ROBO2: variants seen among roughly 807,000 people sequenced by gnomAD.
ROBO2 encodes the protein roundabout homolog 2.
In ROBO2, 53 loss-of-function variants were observed where a neutral mutation model predicts 160.8. The observed-to-expected ratio is 0.33, with a 90% CI of 0.26 to 0.41. The LOEUF (loss-of-function observed/expected upper bound fraction) is 0.41, where lower values mean the gene tolerates loss of function less well. ROBO2 is among the 10% of genes least tolerant of loss of function. ROBO2 has a pLI of 1.00. For missense variants in ROBO2, 1,577 were observed against 1,722.4 expected (o/e 0.92, Z 1.49); for synonymous variants, 664 against 611.7 (o/e 1.09, Z -1.26).
intron 2 of ROBO2, among the ~76,000 whole-genome samples, chr3:77,267,886 A>G (rs1018532958): frequency 2.0e-5 from 3 of 152,154 alleles, no homozygotes; most frequent in African/African-American, 4.8e-5. Flanking sequence ...AACTCCCCCA[A>G]TAAATCTCCA....
At chr3:76,814,922 T>A (rs999366080) in intron 2 of ROBO2, among the ~76,000 whole-genome samples, 1 of 152,048 alleles carries the variant, frequency 6.6e-6, no homozygotes, top group African/African-American at 2.4e-5. Context: ...TTGCAAAGGA[T>A]CTACTAGTAC....
At chr3:75,925,835 A>G (rs1947271913) in intron 1 of ROBO2, among the ~76,000 whole-genome samples, 1 of 152,192 alleles carries the variant, frequency 6.6e-6, no homozygotes, top group African/African-American at 2.4e-5. Flanking sequence ...GAGTTGAAAA[A>G]TTGGAGATAG....
At chr3:77,299,309 G>A (rs1266146492) in intron 2 of ROBO2, among the ~76,000 whole-genome samples, 1 of 152,154 alleles carries the variant, frequency 6.6e-6, no homozygotes, top group Admixed American at 6.6e-5. Flanking sequence ...ACTTAAGAGA[G>A]AGCGAAGACT....
intron 2 of ROBO2, among the ~76,000 whole-genome samples, chr3:76,028,819 A>G (rs1313414196): frequency 6.6e-6 from 1 of 151,988 alleles, no homozygotes; most frequent in Non-Finnish European, 1.5e-5. Context: ...TGCCATGATT[A>G]TTAAAAATTT....
chr3:77,167,444 T>C (rs1309434375), intron 2 of ROBO2, among the ~76,000 whole-genome samples: 2 of 152,188 alleles, frequency 1.3e-5, no homozygotes, highest in Non-Finnish European at 2.9e-5. Flanking sequence ...GCCTCACTGC[T>C]AGGTATACTC....
chr3:76,100,939 C>A (rs1029159092), intron 2 of ROBO2, among the ~76,000 whole-genome samples: 1 of 151,844 alleles, frequency 6.6e-6, no homozygotes, highest in Non-Finnish European at 1.5e-5. Flanking sequence ...CGGGCATGGT[C>A]GTGGCTCACT....
At chr3:75,933,859 C>T (rs748022515) in intron 1 of ROBO2, among the ~76,000 whole-genome samples, 38 of 152,092 alleles carry the variant, frequency 2.5e-4, no homozygotes, top group Non-Finnish European at 3.8e-4. Context: ...GCTCTTATAA[C>T]GTGTTCTAAA....
intron 2 of ROBO2, among the ~76,000 whole-genome samples, chr3:77,440,011 G>A (rs184623820): frequency 2.0e-4 from 30 of 152,228 alleles, no homozygotes; most frequent in South Asian, 8.3e-4. Flanking sequence ...TAGTTTTTAC[G>A]TAATATGTAG....
At chr3:76,584,631 G>A (rs954921735) in intron 2 of ROBO2, among the ~76,000 whole-genome samples, 1 of 152,076 alleles carries the variant, frequency 6.6e-6, no homozygotes, top group Admixed American at 6.6e-5. Flanking sequence ...ATCTTGATCT[G>A]GAACTTGTAG....
chr3:77,337,279 T>G (rs1229202348), intron 2 of ROBO2, among the ~76,000 whole-genome samples: 2 of 152,178 alleles, frequency 1.3e-5, no homozygotes, highest in Non-Finnish European at 2.9e-5. Context: ...CAGCCAGTGA[T>G]CAGAAAGTAA....
chr3:76,099,321 G>A (rs1447518330), intron 2 of ROBO2, among the ~76,000 whole-genome samples: 1 of 151,838 alleles, frequency 6.6e-6, no homozygotes, highest in Non-Finnish European at 1.5e-5. Flanking sequence ...TTTAGTCCTT[G>A]TAGTGTCTCT....
chr3:77,348,585 C>T (rs1434922921), intron 2 of ROBO2, among the ~76,000 whole-genome samples: 1 of 152,134 alleles, frequency 6.6e-6, no homozygotes, highest in Non-Finnish European at 1.5e-5. Flanking sequence ...TTATTTTGCC[C>T]AGCTCCTATT....
At chr3:77,166,261 A>G (rs529386533) in intron 2 of ROBO2, among the ~76,000 whole-genome samples, 2 of 152,186 alleles carry the variant, frequency 1.3e-5, no homozygotes, top group South Asian at 4.2e-4. Context: ...CTGTCTCAAA[A>G]TTTAAAAAAA....
chr3:76,143,991 G>A (rs1474357365), intron 2 of ROBO2, among the ~76,000 whole-genome samples: 1 of 151,644 alleles, frequency 6.6e-6, no homozygotes, highest in Non-Finnish European at 1.5e-5. Flanking sequence ...TAACTGATTG[G>A]ATGAGGTCCC....
At chr3:76,819,363 T>C in intron 2 of ROBO2, among the ~76,000 whole-genome samples, 1 of 152,174 alleles carries the variant, frequency 6.6e-6, no homozygotes, top group East Asian at 1.9e-4. Flanking sequence ...TAGACAAATA[T>C]TGCCTCTCCG....
chr3:76,323,148 C>G (rs932313953), intron 2 of ROBO2, among the ~76,000 whole-genome samples: 1 of 146,800 alleles, frequency 6.8e-6, no homozygotes, highest in Non-Finnish European at 1.5e-5. Flanking sequence ...TACACACACA[C>G]ACACACACAC....
At chr3:77,567,389 C>T (rs937410080) in intron 12 of ROBO2, among the ~76,000 whole-genome samples, 1 of 151,924 alleles carries the variant, frequency 6.6e-6, no homozygotes, top group East Asian at 1.9e-4. Flanking sequence ...TGTTTAATAT[C>T]AATTTGATGG....
intron 2 of ROBO2, among the ~76,000 whole-genome samples, chr3:76,119,906 TTCCCTCCC>T (rs1367429570): frequency 1.1e-5 from 1 of 87,004 alleles, no homozygotes; most frequent in Non-Finnish European, 2.2e-5. Flanking sequence ...CTTCCCTTCC[TTCCCTCCC>T]TCCCTTCCTT....
At chr3:76,901,037 G>A (rs1296037503) in intron 2 of ROBO2, among the ~76,000 whole-genome samples, 1 of 152,072 alleles carries the variant, frequency 6.6e-6, no homozygotes, top group Non-Finnish European at 1.5e-5. Flanking sequence ...AAAATACACT[G>A]GAGGGAGACC....
Sources: gnomAD v4.1 joint callset for allele counts (sites outside exome capture counted in the v4.1 genomes callset) on GRCh38, gnomAD v4.1.1 for gene constraint, MANE v1.5 for transcripts, NCBI Gene and HGNC (gene_info 2026-07-23, HGNC 2026-07-21) for gene names.